Variants in RFC3 observed in about 807,000 individuals in gnomAD.
The protein encoded by RFC3 is A1 38 kDa subunit.
In RFC3, 41 loss-of-function variants were observed where a neutral mutation model predicts 45.1. The observed-to-expected ratio is 0.91, with a 90% CI of 0.71 to 1.18. RFC3 has a LOEUF of 1.18. Among genes scored for constraint, RFC3 ranks in the 50% most tolerant of loss-of-function variants. The pLI is 0.00. For missense variants in RFC3, 423 were observed against 428.1 expected (o/e 0.99, Z 0.10); for synonymous variants, 149 against 144.0 (o/e 1.03, Z -0.25).
chr13:33,927,076 C>T (rs1278022107), intron 8 of RFC3, among the ~76,000 whole-genome samples: 3 of 151,860 alleles, frequency 2.0e-5, no homozygotes, highest in South Asian at 2.1e-4. Flanking sequence ...CCTCCCTGAC[C>T]TCATTCTTGA....
At chr13:33,875,432 A>G (rs1278433627) in intron 8 of RFC3, among the ~76,000 whole-genome samples, 1 of 152,204 alleles carries the variant, frequency 6.6e-6, no homozygotes, top group Non-Finnish European at 1.5e-5. Flanking sequence ...TGGCATGCCC[A>G]GAGACCCAGC....
chr13:33,973,919 T>C, the RFC3 span, among the ~76,000 whole-genome samples: 5 of 152,102 alleles, frequency 3.3e-5, no homozygotes, highest in Non-Finnish European at 5.9e-5. Flanking sequence ...GTTTCTAGGC[T>C]GTATCCCAGT....
At chr13:33,967,345 A>G (rs1277416416), downstream of RFC3, among the ~76,000 whole-genome samples, 1 of 152,120 alleles carries the variant, frequency 6.6e-6, no homozygotes, top group Non-Finnish European at 1.5e-5. Flanking sequence ...GATCCAGGTA[A>G]AGGAGCTTAA....
intron 4 of RFC3, among the ~76,000 whole-genome samples, chr13:33,827,142 T>C (rs1593610457): frequency 6.6e-6 from 1 of 152,196 alleles, no homozygotes; most frequent in Non-Finnish European, 1.5e-5. Flanking sequence ...TTAAAACTTT[T>C]GCTAGGCACA....
At chr13:33,968,381 G>A (rs1389309526), downstream of RFC3, among the ~76,000 whole-genome samples, 4 of 152,192 alleles carry the variant, frequency 2.6e-5, no homozygotes, top group African/African-American at 7.2e-5. Context: ...TCCCACCTCG[G>A]CCTCCTGCAG....
At chr13:33,914,781 C>A (rs2082723483) in intron 8 of RFC3, among the ~76,000 whole-genome samples, 1 of 152,042 alleles carries the variant, frequency 6.6e-6, no homozygotes, top group Non-Finnish European at 1.5e-5. Flanking sequence ...TCTTAGAAAT[C>A]TGAACAAAAT....
At chr13:33,890,141 G>T (rs2082554502) in intron 8 of RFC3, among the ~76,000 whole-genome samples, 1 of 152,158 alleles carries the variant, frequency 6.6e-6, no homozygotes, top group Non-Finnish European at 1.5e-5. Context: ...GGGTGTTGAG[G>T]TTCAGTATGT....
chr13:33,905,221 A>T (rs1177053796), intron 8 of RFC3, among the ~76,000 whole-genome samples: 1 of 150,800 alleles, frequency 6.6e-6, no homozygotes, highest in East Asian at 2.0e-4. Flanking sequence ...CAACTACAGC[A>T]CAATGATGTT....
the RFC3 span, among the ~76,000 whole-genome samples, chr13:33,971,658 T>C: frequency 1.3e-5 from 2 of 152,264 alleles, no homozygotes; most frequent in Non-Finnish European, 2.9e-5. Flanking sequence ...CTGCTTCTTC[T>C]CTGCAGCATT....
chr13:33,871,571 C>A (rs192712044), intron 8 of RFC3, among the ~76,000 whole-genome samples: 1 of 152,332 alleles, frequency 6.6e-6, no homozygotes, highest in African/African-American at 2.4e-5. Context: ...ATCACATCTG[C>A]ACAGTTCCTC....
chr13:33,941,444 G>T, intron 8 of RFC3, among the ~76,000 whole-genome samples: 1 of 152,084 alleles, frequency 6.6e-6, no homozygotes, highest in Non-Finnish European at 1.5e-5. Context: ...AGGAAAGTCT[G>T]ATGGTGGTGA....
intron 8 of RFC3, among the ~76,000 whole-genome samples, chr13:33,851,923 TG>T (rs1264542392): frequency 6.6e-6 from 1 of 152,208 alleles, no homozygotes; most frequent in Non-Finnish European, 1.5e-5. Context: ...AGTTGAAGAC[TG>T]AATTTTAAAA....
chr13:33,949,894 C>T (rs114665544), intron 8 of RFC3, among the ~76,000 whole-genome samples: 1,557 of 152,102 alleles, frequency 0.01, 32 homozygotes, highest in African/African-American at 0.036. Context: ...AAGCTTTTTT[C>T]CTGCCTTTAA....
downstream of RFC3, among the ~76,000 whole-genome samples, chr13:33,970,120 T>G (rs1425338895): frequency 6.6e-6 from 1 of 152,114 alleles, no homozygotes; most frequent in African/African-American, 2.4e-5. Context: ...CCAGTGTGTG[T>G]TGTTCCCCCT....
At chr13:33,888,562 G>T (rs1458072592) in intron 8 of RFC3, among the ~76,000 whole-genome samples, 1 of 152,104 alleles carries the variant, frequency 6.6e-6, no homozygotes, top group Non-Finnish European at 1.5e-5. Flanking sequence ...GTATACAATA[G>T]ATGCTCACAA....
intron 8 of RFC3, among the ~76,000 whole-genome samples, chr13:33,854,315 GC>G (rs917979222): frequency 5.9e-5 from 9 of 152,174 alleles, no homozygotes; most frequent in Non-Finnish European, 1.3e-4. Context: ...ATGGAAGGGA[GC>G]CACTCAGTTC....
At chr13:33,949,738 G>A (rs80336752) in intron 8 of RFC3, among the ~76,000 whole-genome samples, 5,109 of 152,204 alleles carry the variant, frequency 0.034, 272 homozygotes, top group African/African-American at 0.11. Context: ...ATTAACATTT[G>A]AATAGGTAGA....
At chr13:33,939,217 A>C (rs1455780828) in intron 8 of RFC3, among the ~76,000 whole-genome samples, 1 of 152,134 alleles carries the variant, frequency 6.6e-6, no homozygotes, top group Non-Finnish European at 1.5e-5. Context: ...AATATTTTTA[A>C]TTTAAATATA....
chr13:33,958,371 G>A (rs1026304979), intron 8 of RFC3, among the ~76,000 whole-genome samples: 5 of 152,204 alleles, frequency 3.3e-5, no homozygotes, highest in Non-Finnish European at 5.9e-5. Flanking sequence ...GGAGCAGTGA[G>A]GAGAACAAGT....
Sources: gnomAD v4.1 joint callset for allele counts (sites outside exome capture counted in the v4.1 genomes callset) on GRCh38, gnomAD v4.1.1 for gene constraint, MANE v1.5 for transcripts, NCBI Gene and HGNC (gene_info 2026-07-23, HGNC 2026-07-21) for gene names.